RBFOX3: variants seen among roughly 807,000 people sequenced by gnomAD.
The protein encoded by RBFOX3 is RNA binding fox-1 homolog 3.
RBFOX3 carries 17 observed loss-of-function variants against 48.7 expected under a neutral mutation model. The ratio of observed to expected loss-of-function variants is 0.35; its 90% confidence interval spans 0.24 to 0.52. The LOEUF (loss-of-function observed/expected upper bound fraction) is 0.52. Ranked by LOEUF, RBFOX3 falls within the 20% of genes least tolerant of loss-of-function variation. The pLI is 0.94. For missense variants in RBFOX3, 382 were observed against 497.5 expected (o/e 0.77, Z 2.21); for synonymous variants, 212 against 209.5 (o/e 1.01, Z -0.10).
intron 2 of RBFOX3, among the ~76,000 whole-genome samples, chr17:79,463,670 T>C (rs2075875262): frequency 1.2e-5 from 1 of 82,484 alleles, no homozygotes; most frequent in African/African-American, 4.2e-5. Flanking sequence ...CACCGCCACC[T>C]CCACTGCCAT....
At position 79,509,935 on chromosome 17, in the gene RBFOX3, C is replaced by T. The variant is rs1003505685; in HGVS notation, c.-319-27337G>A. 1.2e-4 allele frequency among the ~76,000 whole-genome samples: 19 copies of T among 152,360 alleles called. No homozygotes were observed. The East Asian group carries it at 1.5e-3, about 12-fold the overall frequency. ...TCCAATCCTACTTACTTGGGCATGACGCCTGGGAGAGGAGGCACAACCAAA... is the reference window on the plus strand; with the variant it reads ...TCCAATCCTACTTACTTGGGCATGATGCCTGGGAGAGGAGGCACAACCAAA... On this transcript the variant is annotated intron_variant, in intron 1 of 14. Coordinates refer to ENST00000693108, the MANE Select transcript of RBFOX3 (RefSeq NM_001350451.2).
intron 1 of RBFOX3, among the ~76,000 whole-genome samples, chr17:79,561,221 G>A (rs1469020338): frequency 1.3e-5 from 2 of 152,178 alleles, no homozygotes; most frequent in Non-Finnish European, 2.9e-5. Context: ...TCACTACCAT[G>A]TATGCCCCTG....
chr17:79,389,739 G>A (rs2061091701), intron 2 of RBFOX3, among the ~76,000 whole-genome samples: 2 of 152,332 alleles, frequency 1.3e-5, no homozygotes, highest in African/African-American at 4.8e-5. Flanking sequence ...CCAGGCTGGG[G>A]ACCGTACTTG....
intron 2 of RBFOX3, among the ~76,000 whole-genome samples, chr17:79,350,380 G>A (rs76473581): frequency 0.022 from 3,290 of 152,256 alleles, 129 homozygotes; most frequent in African/African-American, 0.074. Context: ...CTCCCAGATG[G>A]GTCTCCCTTC....
At chr17:79,410,481 CA>C (rs1295253978) in intron 2 of RBFOX3, among the ~76,000 whole-genome samples, 1 of 152,142 alleles carries the variant, frequency 6.6e-6, no homozygotes, top group Non-Finnish European at 1.5e-5. Context: ...GGGAGTTTAT[CA>C]GGTGGGCCTG....
intron 4 of RBFOX3, among the ~76,000 whole-genome samples, chr17:79,145,090 T>C (rs1382903986): frequency 6.6e-6 from 1 of 152,136 alleles, no homozygotes; most frequent in Admixed American, 6.5e-5. Flanking sequence ...CCTTAGTCGC[T>C]GCCTGTCCTA....
intron 14 of RBFOX3, chr17:79,091,938 G>A (rs1022450131): frequency 1.6e-5 from 16 of 984,190 alleles, no homozygotes; most frequent in African/African-American, 1.7e-5. Context: ...TGACTACGTC[G>A]GCAAGAAATA....
rs117855792 is a variant in RBFOX3, at chr17:79,199,887, G to A, written c.-34+35879C>T. On this transcript the variant is annotated intron_variant, in intron 4 of 14. Coordinates refer to ENST00000693108, the MANE Select transcript of RBFOX3 (RefSeq NM_001350451.2). This position sits in a 1 kb window ranked among gnomAD's most constrained non-coding sequence, Gnocchi z 5.1. The stretch of plus-strand genomic sequence containing the variant: ...TAAAATGGGGAGAAAAGGGCCGGAC[G>A]TGGTGGCTCACGCCTGTAATCCCAG... Among the ~76,000 whole-genome samples the A allele has an allele frequency of 8.6e-4, 131 of 152,290 alleles. 4 individuals are homozygous for A. The East Asian group carries it at 0.02, about 23-fold the overall frequency.
chr17:79,547,996 C>T (rs2090689543), intron 1 of RBFOX3, among the ~76,000 whole-genome samples: 1 of 152,368 alleles, frequency 6.6e-6, no homozygotes, highest in Admixed American at 6.5e-5. Context: ...CAGCTTCCCT[C>T]CTCACCCTAT....
intron 4 of RBFOX3, among the ~76,000 whole-genome samples, chr17:79,184,032 C>A (rs1443344948): frequency 6.6e-6 from 1 of 152,246 alleles, no homozygotes; most frequent in Non-Finnish European, 1.5e-5. Flanking sequence ...GCCGACCGAC[C>A]GGAAGGCGCC....
At chr17:79,234,158 C>T (rs1419298454) in intron 4 of RBFOX3, 1 of 152,278 alleles carries the variant, frequency 6.6e-6, no homozygotes, top group Admixed American at 6.5e-5. Context: ...CCCTGTTACA[C>T]ACGGCCCACT....
chr17:79,287,994 G>T (rs78791789), intron 3 of RBFOX3, among the ~76,000 whole-genome samples: 4,617 of 152,216 alleles, frequency 0.03, 115 homozygotes, highest in East Asian at 0.069. Flanking sequence ...CCCCTCTCGG[G>T]CTCCACATTT....
At chr17:79,293,085 G>A (rs1600463043) in intron 3 of RBFOX3, among the ~76,000 whole-genome samples, 1 of 152,190 alleles carries the variant, frequency 6.6e-6, no homozygotes, top group East Asian at 1.9e-4. Flanking sequence ...TGCCTCATAT[G>A]TATATTATAT....
chr17:79,531,127 G>A (rs999390421), intron 1 of RBFOX3, among the ~76,000 whole-genome samples: 3 of 152,188 alleles, frequency 2.0e-5, no homozygotes, highest in African/African-American at 7.2e-5. Flanking sequence ...TGGAAGAACG[G>A]GCAGATTCCT....
chr17:79,341,027 C>G (rs558992318), intron 2 of RBFOX3, among the ~76,000 whole-genome samples: 38 of 152,232 alleles, frequency 2.5e-4, no homozygotes, highest in Admixed American at 1.2e-3. Flanking sequence ...AGCCTCTGGG[C>G]TCAGCAGTTG....
At chr17:79,206,632 G>A (rs980851032) in intron 4 of RBFOX3, among the ~76,000 whole-genome samples, 2 of 152,202 alleles carry the variant, frequency 1.3e-5, no homozygotes, top group African/African-American at 4.8e-5. Context: ...GTCCACAGAT[G>A]TAGCCTGAAG....
At chr17:79,534,931 G>C (rs1363165536) in intron 1 of RBFOX3, among the ~76,000 whole-genome samples, 5 of 152,172 alleles carry the variant, frequency 3.3e-5, no homozygotes, top group African/African-American at 1.2e-4. Context: ...AAAGACCAGG[G>C]GGAGAAATAC....
chr17:79,366,745 C>G (rs1205391647), intron 2 of RBFOX3, among the ~76,000 whole-genome samples: 1 of 152,190 alleles, frequency 6.6e-6, no homozygotes, highest in Non-Finnish European at 1.5e-5. Context: ...TGCCTGTGGA[C>G]ACTGGCAGGA....
At chr17:79,139,427 G>C (rs2041438376) in intron 4 of RBFOX3, among the ~76,000 whole-genome samples, 1 of 152,214 alleles carries the variant, frequency 6.6e-6, no homozygotes, top group Non-Finnish European at 1.5e-5. Flanking sequence ...GCTGTGACTG[G>C]GTGCCAGCTC....
Sources: allele counts gnomAD v4.1 joint callset (sites outside exome capture counted in the v4.1 genomes callset), GRCh38; gene constraint gnomAD v4.1.1; non-coding constraint Gnocchi (gnomAD v3.1); transcripts MANE v1.5; gene names NCBI Gene and HGNC (gene_info 2026-07-23, HGNC 2026-07-21).